EPM2A: variants seen among roughly 807,000 people sequenced by gnomAD.
The protein encoded by EPM2A is EPM2A glucan phosphatase, laforin.
EPM2A carries 21 observed loss-of-function variants against 26.5 expected under a neutral mutation model. The ratio of observed to expected loss-of-function variants is 0.79; its 90% CI spans 0.56 to 1.14. EPM2A has a LOEUF of 1.14. EPM2A is among the 50% of genes most tolerant of loss of function. The probability of loss-of-function intolerance (pLI) is 0.00; values close to 1 mark genes in which losing one functional copy is unlikely to be tolerated. For missense variants in EPM2A, 458 were observed against 440.8 expected, an observed-to-expected ratio of 1.04 and a Z score of -0.35; for synonymous variants, 217 against 177.6, an observed-to-expected ratio of 1.22 and a Z score of -1.76.
chr6:145,470,815 T>C (rs1313421737), intron 4 of EPM2A, among the ~76,000 whole-genome samples: 5 of 152,206 alleles, frequency 3.3e-5, no homozygotes, highest in African/African-American at 9.6e-5. Flanking sequence ...TTAAATGCTT[T>C]AGCTACAGTG....
chr6:145,660,307 C>T (rs1258036170), intron 2 of EPM2A, among the ~76,000 whole-genome samples: 1 of 152,026 alleles, frequency 6.6e-6, no homozygotes, highest in East Asian at 1.9e-4. Flanking sequence ...GTGAAGAATA[C>T]CTCTGTGATA....
chr6:145,667,556 A>T (rs1248406146), intron 2 of EPM2A, among the ~76,000 whole-genome samples: 2 of 151,452 alleles, frequency 1.3e-5, no homozygotes, highest in Non-Finnish European at 2.9e-5. Context: ...AACACTTTAC[A>T]CTGTTGGTGG....
chr6:145,684,818 G>A (rs1203573010), intron 2 of EPM2A: 3 of 151,846 alleles, frequency 2.0e-5, no homozygotes, highest in Non-Finnish European at 4.4e-5. Context: ...AGTAGCTCAG[G>A]CCATAAAACC....
At chr6:145,579,683 T>G (rs1436307074) in intron 2 of EPM2A, among the ~76,000 whole-genome samples, 4 of 152,238 alleles carry the variant, frequency 2.6e-5, no homozygotes, top group Non-Finnish European at 5.9e-5. Context: ...ACATTTATTG[T>G]GATCATTGAT....
At chr6:145,557,309 A>G (rs1167160542) in intron 2 of EPM2A, among the ~76,000 whole-genome samples, 3 of 152,094 alleles carry the variant, frequency 2.0e-5, no homozygotes, top group Non-Finnish European at 4.4e-5. Flanking sequence ...GATGTACACT[A>G]TTTGCATGAT....
intron 2 of EPM2A, among the ~76,000 whole-genome samples, chr6:145,581,971 C>A (rs1257431987): frequency 2.6e-5 from 4 of 151,996 alleles, no homozygotes; most frequent in African/African-American, 9.7e-5. Context: ...ATAATAGTCT[C>A]TTAAGATTTT....
At chr6:145,661,994 T>C (rs1778748270) in intron 2 of EPM2A, among the ~76,000 whole-genome samples, 1 of 152,172 alleles carries the variant, frequency 6.6e-6, no homozygotes, top group South Asian at 2.1e-4. Context: ...AAACGTCTGG[T>C]AACATCAGAA....
chr6:145,462,622 T>C (rs1336762513), intron 4 of EPM2A, among the ~76,000 whole-genome samples: 1 of 152,190 alleles, frequency 6.6e-6, no homozygotes, highest in Non-Finnish European at 1.5e-5. Context: ...AGATGTCAGT[T>C]GGAATTCTTA....
At chr6:145,393,991 T>C (rs1355068620) in intron 4 of EPM2A, among the ~76,000 whole-genome samples, 1 of 151,890 alleles carries the variant, frequency 6.6e-6, no homozygotes, top group African/African-American at 2.4e-5. Context: ...ACCTGGCTAA[T>C]TTTTTGTATC....
downstream of EPM2A, among the ~76,000 whole-genome samples, chr6:145,622,875 G>C (rs910678316): frequency 6.6e-6 from 1 of 152,236 alleles, no homozygotes; most frequent in Non-Finnish European, 1.5e-5. Context: ...ACTGTGAACA[G>C]AGATTATAAT....
At chr6:145,723,591 AAAG>A (rs1246258902) in intron 1 of EPM2A, among the ~76,000 whole-genome samples, 1 of 152,146 alleles carries the variant, frequency 6.6e-6, no homozygotes, top group Non-Finnish European at 1.5e-5. Flanking sequence ...CTGCCAACAA[AAAG>A]AACAACTAGA....
chr6:145,557,203 A>C (rs1229862481), intron 2 of EPM2A, among the ~76,000 whole-genome samples: 2 of 152,142 alleles, frequency 1.3e-5, no homozygotes, highest in East Asian at 1.9e-4. Flanking sequence ...ACTTTCTGAC[A>C]GAAGTTCCAC....
rs9497371 is a variant in EPM2A, at chr6:145,612,025, T to C, written c.340+23220A>G. Among the ~76,000 whole-genome samples, 802 of 152,300 alleles carry C rather than the reference T, an allele frequency of 5.3e-3. 4 individuals are homozygous for C. Among genetic ancestry groups the C allele is most frequent in the African/African-American group, 0.018 (764 of 41,590 alleles). On this transcript the variant is annotated intron_variant, in intron 2 of 3. Transcript: ENST00000450221. ...ATGTGAGACAATCCTCCAATATTTG[T>C]GCATATTTGGTGAAGAATAAAAGGC...
At chr6:145,545,036 A>G (rs1320531642) in intron 2 of EPM2A, among the ~76,000 whole-genome samples, 4 of 152,204 alleles carry the variant, frequency 2.6e-5, no homozygotes, top group Non-Finnish European at 1.5e-5. Flanking sequence ...CACATTCAAT[A>G]AATCTTCTAC....
At chr6:145,657,039 T>C (rs1159110275) in intron 2 of EPM2A, among the ~76,000 whole-genome samples, 1 of 151,960 alleles carries the variant, frequency 6.6e-6, no homozygotes, top group Non-Finnish European at 1.5e-5. Context: ...ACAATGAAAT[T>C]TGAAGAGCAA....
At chr6:145,533,018 C>T (rs1432765297) in intron 2 of EPM2A, among the ~76,000 whole-genome samples, 3 of 152,146 alleles carry the variant, frequency 2.0e-5, no homozygotes, top group African/African-American at 7.2e-5. Flanking sequence ...TATTCATTTG[C>T]TTATCTGACA....
At chr6:145,684,180 T>G (rs1182797511) in intron 2 of EPM2A, among the ~76,000 whole-genome samples, 1 of 151,928 alleles carries the variant, frequency 6.6e-6, no homozygotes, top group Non-Finnish European at 1.5e-5. Flanking sequence ...AATCGATAGT[T>G]GAATTGGAAA....
At chr6:145,591,446 A>G (rs1012628565) in intron 2 of EPM2A, among the ~76,000 whole-genome samples, 3 of 152,134 alleles carry the variant, frequency 2.0e-5, no homozygotes, top group Non-Finnish European at 4.4e-5. Flanking sequence ...AGAAATTACT[A>G]AAATAAGCCA....
intron 2 of EPM2A, among the ~76,000 whole-genome samples, chr6:145,673,249 C>A (rs1779779568): frequency 6.6e-6 from 1 of 151,750 alleles, no homozygotes; most frequent in Non-Finnish European, 1.5e-5. Flanking sequence ...AGCAGAAATA[C>A]AAAACTAAAT....
Sources: gnomAD v4.1 joint callset for allele counts (sites outside exome capture counted in the v4.1 genomes callset) on GRCh38, gnomAD v4.1.1 for gene constraint, MANE v1.5 for transcripts, NCBI Gene and HGNC (gene_info 2026-07-23, HGNC 2026-07-21) for gene names.